Variants in TLE4 observed in about 807,000 individuals in gnomAD.
The protein encoded by TLE4 is TLE family member 4, transcriptional corepressor.
TLE4 carries 8 observed loss-of-function variants against 92.8 expected under a neutral mutation model. The ratio of observed to expected loss-of-function variants is 0.09; its 90% CI spans 0.05 to 0.16. The LOEUF is 0.16. Ranked by LOEUF, TLE4 falls within the 10% of genes least tolerant of loss-of-function variation. The pLI, the probability that TLE4 is intolerant of heterozygous loss-of-function variation, is 1.00. For missense variants in TLE4, 675 were observed against 997.6 expected, an observed-to-expected ratio of 0.68 and a Z score of 4.36; for synonymous variants, 371 against 374.1, an observed-to-expected ratio of 0.99 and a Z score of 0.10.
chr9:79,574,222 TAA>T (rs773345484), intron 2 of TLE4: 15 of 141,162 alleles, frequency 1.1e-4, no homozygotes, highest in East Asian at 2.0e-4. Flanking sequence ...ACTTTTATGC[TAA>T]AAAAAAAAAA....
chr9:79,576,390 A>G (rs2037768151), intron 4 of TLE4: 2 of 346,342 alleles, frequency 5.8e-6, no homozygotes, highest in African/African-American at 4.2e-5. Flanking sequence ...GTTATTTTAA[A>G]AAGTCTGAAT....
rs747642611 is a variant in TLE4, at chr9:79,726,521, G to C, written c.*1377G>C. The C allele has an allele frequency of 1.4e-4, 17 of 125,826 alleles. No individual in the cohort carries two copies. The highest frequency in any genetic ancestry group is 2.7e-4 in the Non-Finnish European group (16 of 59,500). 7.8% of individuals were successfully genotyped at this position (125,826 alleles called of 1,614,324 possible). On this transcript the variant is annotated 3_prime_UTR_variant, in exon 20 of 20. Coordinates refer to ENST00000376552, the MANE Select transcript of TLE4 (RefSeq NM_007005.6). ...TGCAAGTTGAAATGGACTGTCCATTGACGTTCCTAATGTGGTAGCAGAAAA... is the reference window on the plus strand; with the variant it reads ...TGCAAGTTGAAATGGACTGTCCATTCACGTTCCTAATGTGGTAGCAGAAAA...
intron 6 of TLE4, among the ~76,000 whole-genome samples, chr9:79,644,081 C>T (rs1409822215): frequency 6.6e-6 from 1 of 152,098 alleles, no homozygotes; most frequent in African/African-American, 2.4e-5. Context: ...ATAGTTCCTA[C>T]AATCCCCATA....
chr9:79,670,088 G>T (rs2062027752), intron 8 of TLE4, among the ~76,000 whole-genome samples: 1 of 151,886 alleles, frequency 6.6e-6, no homozygotes, highest in Non-Finnish European at 1.5e-5. Context: ...TTCTTCCAGG[G>T]TTTATTACTC....
chr9:79,641,783 A>G (rs1444665040), intron 6 of TLE4, among the ~76,000 whole-genome samples: 1 of 152,110 alleles, frequency 6.6e-6, no homozygotes, highest in Non-Finnish European at 1.5e-5. Flanking sequence ...ACTGGACTAA[A>G]TGGTAGGGGC....
At chr9:79,644,276 T>A (rs565689912) in intron 6 of TLE4, among the ~76,000 whole-genome samples, 8 of 152,226 alleles carry the variant, frequency 5.3e-5, no homozygotes, top group African/African-American at 1.9e-4. Context: ...CCTTCCACCA[T>A]GATTTTAAGC....
intron 14 of TLE4, among the ~76,000 whole-genome samples, 160 bp downstream of exon 14, chr9:79,709,859 G>A (rs1398740336): frequency 6.6e-6 from 1 of 152,224 alleles, no homozygotes; most frequent in African/African-American, 2.4e-5. Flanking sequence ...CACAAGAAGA[G>A]AAGTAATGAA....
chr9:79,687,818 G>A (rs571899714), intron 8 of TLE4, among the ~76,000 whole-genome samples: 6 of 152,206 alleles, frequency 3.9e-5, no homozygotes, highest in South Asian at 2.1e-4. Context: ...GAGTTACTTC[G>A]TCCCCTAGGA....
At chr9:79,637,237 A>G (rs969897168) in intron 6 of TLE4, among the ~76,000 whole-genome samples, 7 of 152,192 alleles carry the variant, frequency 4.6e-5, no homozygotes, top group African/African-American at 1.4e-4. Flanking sequence ...GTTATTGAAT[A>G]TTCGCTCTGT....
chr9:79,674,874 A>G (rs2063011601), intron 8 of TLE4, among the ~76,000 whole-genome samples: 2 of 152,228 alleles, frequency 1.3e-5, no homozygotes, highest in African/African-American at 4.8e-5. Context: ...CTATCTGATT[A>G]ATTAAAATGT....
chr9:79,716,407 A>G (rs561304317), intron 14 of TLE4, among the ~76,000 whole-genome samples: 2 of 152,188 alleles, frequency 1.3e-5, no homozygotes, highest in South Asian at 4.2e-4. Context: ...TTATCTGAAA[A>G]TGTGTGTGTA....
intron 8 of TLE4, among the ~76,000 whole-genome samples, chr9:79,696,731 T>C (rs1367967725): frequency 6.6e-6 from 1 of 152,234 alleles, no homozygotes; most frequent in Non-Finnish European, 1.5e-5. Flanking sequence ...TTCTGGTCCA[T>C]TAAGATACAG....
At position 79,720,212 on chromosome 9, in the gene TLE4, G is replaced by A; in HGVS notation, c.1757G>A (p.Ser586Asn). 4 of 1,614,196 alleles carry A rather than the reference G, an allele frequency of 2.5e-6. No homozygotes were observed. The highest frequency in any genetic ancestry group is 3.4e-6 in the Non-Finnish European group (4 of 1,180,024). Residue 586 changes from serine to asparagine, a missense_variant, in exon 16 of 20, where the codon AGC becomes AAC. Physicochemically the swap from Ser to Asn is conservative, Grantham distance 46 (BLOSUM62 1). Around this residue, in one of 5 missense-constraint regions of TLE4, gnomAD observed 170 missense variants for 359.6 expected, o/e 0.47. Transcript: ENST00000376552. The part of the protein sequence containing the change: ...SAPACYALAI[S>N]PDSKVCFSCC... Reference sequence around the variant, plus strand: ...CCCGCCTGCTATGCCCTGGCCATCAGCCCCGATTCCAAGGTCTGCTTCTCA... The same window carrying A: ...CCCGCCTGCTATGCCCTGGCCATCAACCCCGATTCCAAGGTCTGCTTCTCA...
At chr9:79,691,630 C>T (rs1455921666) in intron 8 of TLE4, among the ~76,000 whole-genome samples, 1 of 152,146 alleles carries the variant, frequency 6.6e-6, no homozygotes, top group Non-Finnish European at 1.5e-5. Context: ...CCCAGTCCTC[C>T]TGTGTGCTCC....
intron 4 of TLE4, among the ~76,000 whole-genome samples, chr9:79,598,695 A>G (rs1161606434): frequency 6.6e-6 from 1 of 152,156 alleles, no homozygotes; most frequent in Non-Finnish European, 1.5e-5. Context: ...AAGTTATGAA[A>G]TTAATATGGC....
intron 6 of TLE4, among the ~76,000 whole-genome samples, chr9:79,651,985 TAAAG>T (rs769998337): frequency 5.3e-5 from 8 of 152,192 alleles, no homozygotes; most frequent in Non-Finnish European, 1.2e-4. Context: ...TGAGGTTTGT[TAAAG>T]AAATATGTTT....
intron 4 of TLE4, among the ~76,000 whole-genome samples, chr9:79,604,081 C>T (rs930705443): frequency 4.6e-5 from 7 of 152,092 alleles, no homozygotes; most frequent in African/African-American, 1.7e-4. Context: ...CAGATGCTGT[C>T]ACGAGAAGAC....
chr9:79,724,256 G>A (rs1046223343), intron 19 of TLE4, among the ~76,000 whole-genome samples: 1 of 151,706 alleles, frequency 6.6e-6, no homozygotes, highest in Non-Finnish European at 1.5e-5. Context: ...TGGTAGACAG[G>A]TAAAATGTCT....
intron 8 of TLE4, among the ~76,000 whole-genome samples, chr9:79,687,322 GAGTTGTAGC>G (rs1263585252): frequency 1.3e-5 from 2 of 152,154 alleles, no homozygotes; most frequent in Non-Finnish European, 2.9e-5. Flanking sequence ...GTGTTTCCTG[GAGTTGTAGC>G]ATCTACATCC....
Sources: gnomAD v4.1 joint callset for allele counts (sites outside exome capture counted in the v4.1 genomes callset) on GRCh38, gnomAD v4.1.1 for gene constraint, gnomAD v4.1.1 regional missense constraint, MANE v1.5 for transcripts, NCBI Gene and HGNC (gene_info 2026-07-23, HGNC 2026-07-21) for gene names.